Variants in MUC17 observed in about 807,000 individuals in gnomAD.
MUC17 encodes mucin-17.
Under a neutral mutation model 170.3 loss-of-function variants are expected in MUC17, and 190 were observed. The ratio of observed to expected loss-of-function variants is 1.12; its 90% confidence interval spans 0.99 to 1.26. MUC17 has a LOEUF of 1.26. MUC17 is among the 50% of genes most tolerant of loss of function. The pLI, the probability that MUC17 is intolerant of heterozygous loss-of-function variation, is 0.00. For missense variants in MUC17, 6,415 were observed against 5,530.0 expected, an observed-to-expected ratio of 1.16 and a Z score of -5.08; for synonymous variants, 2,325 against 2,002.5, an observed-to-expected ratio of 1.16 and a Z score of -4.30.
Position 101,040,081 on chromosome 7 carries a change from C to T in MUC17, c.8665C>T (p.Leu2889Phe). ...GGTGGCCAGTTCTGAGGCTAGCACC[C>T]TTTCAACAACTCCTGTTGATACCAG... is the stretch of plus-strand genomic sequence containing the variant. The part of the protein sequence containing the change: ...TPVASSEAST[L>F]STTPVDTSIP... Residue 2889 changes from leucine (L) to phenylalanine (F), a missense_variant, in exon 3 of 13, where the codon CTT becomes TTT. By Grantham distance (22) the Leu-to-Phe change is conservative (BLOSUM62 0). Transcript: ENST00000306151. The T allele has an allele frequency of 3.1e-6, 5 of 1,612,480 alleles. No individual in the cohort carries two copies. The highest frequency in any genetic ancestry group is 3.4e-6 in the Non-Finnish European group (4 of 1,179,362).
chr7:101,053,384 C>CA lies in MUC17; in HGVS notation c.13312dup (p.Ser4438LysfsTer14). 1 of 1,614,096 alleles carries CA rather than the reference C, an allele frequency of 6.2e-7. No individual in the cohort carries two copies. Among genetic ancestry groups the CA allele is most frequent in the East Asian group, 2.2e-5 (1 of 44,884 alleles). On this transcript the variant is annotated frameshift_variant, in exon 11 of 13. Coordinates refer to ENST00000306151, the MANE Select transcript of MUC17 (RefSeq NM_001040105.2). LOFTEE classifies it high-confidence loss of function. ...AGTTATACAAGTGGCAAGAAGAGGA[C>CA]AGTGGACCAGCTCCTGGGACCTTCC...
Position 101,039,568 on chromosome 7 carries a change from G to T in MUC17, c.8152G>T (p.Asp2718Tyr), listed in dbSNP as rs779476289. The change falls in exon 3 of 13, where the codon GAC (aspartate) becomes TAC (tyrosine). Residue 2718 changes from aspartate to tyrosine, a missense_variant. By Grantham distance (160) the Asp-to-Tyr change is radical (BLOSUM62 -3). Transcript: ENST00000306151. Reference sequence around the variant, plus strand: ...TAGCACCCTTTCAACAACTCCTGTTGACACCAGCACACCTGTCACCACTTC... The same window carrying T: ...TAGCACCCTTTCAACAACTCCTGTTTACACCAGCACACCTGTCACCACTTC... ...EASTLSTTPV[D>Y]TSTPVTTSAE... is the part of the protein sequence containing the mutation. 1 of 1,612,526 alleles carries T rather than the reference G, an allele frequency of 6.2e-7. No individual in the cohort carries two copies. Among genetic ancestry groups the T allele is most frequent in the East Asian group, 2.2e-5 (1 of 44,844 alleles).
chr7:101,047,963 A>T, intron 3 of MUC17, 21 bp from the exon 4 acceptor site: 1 of 1,553,562 alleles, frequency 6.4e-7, no homozygotes, highest in Non-Finnish European at 8.7e-7. Context: ...TGGAAAGAAA[A>T]CTTCTGTGAT....
At position 101,033,192 on chromosome 7, in the gene MUC17, A is replaced by G. The variant is rs1367224220; in HGVS notation, c.1776A>G (p.Thr592=). 6.2e-7 allele frequency: 1 copy of G among 1,614,020 alleles called. No homozygotes were observed. The highest frequency in any genetic ancestry group is 8.5e-7 in the Non-Finnish European group (1 of 1,179,990). The change falls in exon 3 of 13, where the codon ACA becomes ACG. Residue 592 remains threonine, a synonymous_variant. Transcript: ENST00000306151. ...VVSSEASTTS[T]TPADSNTFVT... is the part of the protein sequence containing the mutation. ...GTTCTGAGGCTAGCACCACTTCAAC[A>G]ACTCCTGCTGACTCCAACACTTTTG...
chr7:101,050,432 T>C (rs1489859410), intron 6 of MUC17, 52 bp from the exon 7 acceptor site: 55 of 1,579,794 alleles, frequency 3.5e-5, no homozygotes, highest in Non-Finnish European at 4.6e-5. Flanking sequence ...GTACAGATTC[T>C]AGAGGTAAGC....
At position 101,053,039 on chromosome 7, in the gene MUC17, C is replaced by T. The variant is rs1284926864; in HGVS notation, c.13157C>T (p.Thr4386Ile). ...AGTGGGGAGACCTGTAACCAGGGCA[C>T]CCAGAAGAGTCTGGTGTACGGCCTC... ...WYSGETCNQG[T>I]QKSLVYGLVG... The change falls in exon 10 of 13, where the codon ACC (threonine) becomes ATC (isoleucine). Residue 4386 changes from threonine to isoleucine, a missense_variant. By Grantham distance (89) the Thr-to-Ile change is moderately conservative. Coordinates refer to ENST00000306151, the MANE Select transcript of MUC17 (RefSeq NM_001040105.2). 5.6e-6 allele frequency: 9 copies of T among 1,614,136 alleles called. No homozygotes were observed. Among genetic ancestry groups the T allele is most frequent in the Non-Finnish European group, 6.8e-6 (8 of 1,180,032 alleles).
In MUC17 at chr7:101,051,905, T is replaced by C. The variant is rs1024000806; in HGVS notation, c.13046T>C (p.Val4349Ala). The change falls in exon 9 of 13, where the codon GTC becomes GCC. Residue 4349 changes from valine (V) to alanine (A), a missense_variant. Transcript: ENST00000306151. Reference sequence around the variant, plus strand: ...AGCCCCTGTGAGCCTGGCTTCAGTGTCTCCAAGAACTGTAACCTCGGCAAG... The same window carrying C: ...AGCCCCTGTGAGCCTGGCTTCAGTGCCTCCAAGAACTGTAACCTCGGCAAG... ...CISPCEPGFS[V>A]SKNCNLGKCQ... 1 of 1,614,072 alleles carries C rather than the reference T, an allele frequency of 6.2e-7. No individual in the cohort carries two copies. Among genetic ancestry groups the C allele is most frequent in the African/African-American group, 1.3e-5 (1 of 74,942 alleles).
Position 101,036,222 on chromosome 7 carries a change from T to C in MUC17, c.4806T>C (p.Thr1602=). The C allele has an allele frequency of 6.2e-7, 1 of 1,613,906 alleles. No homozygotes were observed. Among genetic ancestry groups the C allele is most frequent in the African/African-American group, 1.3e-5 (1 of 74,980 alleles). The change falls in exon 3 of 13, where the codon ACT becomes ACC. Residue 1602 remains threonine, a synonymous_variant. Coordinates refer to ENST00000306151, the MANE Select transcript of MUC17 (RefSeq NM_001040105.2). ...CAACAACCCCTATTGACTCCAAAAC[T>C]CAGGTGACCGCTTCTACTGAAGCCA... ...TLSTTPIDSK[T]QVTASTEASS...
intron 2 of MUC17, 86 bp from the exon 3 acceptor site, chr7:101,031,515 C>A: frequency 7.4e-7 from 1 of 1,358,872 alleles, no homozygotes; most frequent in Non-Finnish European, 9.8e-7. Flanking sequence ...AACACATTTT[C>A]AGTAAAAAGC....
Position 101,041,449 on chromosome 7 carries a change from A to G in MUC17, c.10033A>G (p.Met3345Val), listed in dbSNP as rs1562817447. The part of the protein sequence containing the change: ...YSEGSTPLTN[M>V]SFSTTPVVSS... Reference sequence around the variant, plus strand: ...TGAAGGAAGCACTCCACTAACAAATATGTCTTTCAGCACCACGCCAGTGGT... The same window carrying G: ...TGAAGGAAGCACTCCACTAACAAATGTGTCTTTCAGCACCACGCCAGTGGT... The change falls in exon 3 of 13, where the codon ATG (methionine) becomes GTG (valine). Residue 3345 changes from methionine to valine, a missense_variant. Physicochemically the swap from Met to Val is conservative, Grantham distance 21. Transcript: ENST00000306151. The G allele has an allele frequency of 3.1e-6, 5 of 1,613,450 alleles. No individual in the cohort carries two copies. The highest frequency in any genetic ancestry group is 2.2e-5 in the East Asian group (1 of 44,804).
intron 9 of MUC17, 52 bp downstream of exon 9, chr7:101,052,014 C>G: frequency 6.3e-7 from 1 of 1,575,054 alleles, no homozygotes; most frequent in South Asian, 1.2e-5. Context: ...TGGTCCTCCC[C>G]TCCCCTGCAG....
intron 1 of MUC17, among the ~76,000 whole-genome samples, chr7:101,020,727 A>G (rs1482482656): frequency 2.0e-5 from 3 of 152,040 alleles, no homozygotes; most frequent in Admixed American, 6.5e-5. Context: ...CCAGATTCTA[A>G]TCCTGCCATG....
Position 101,043,576 on chromosome 7 carries a change from C to T in MUC17, c.12160C>T (p.Pro4054Ser). The T allele has an allele frequency of 6.2e-7, 1 of 1,614,200 alleles. No individual in the cohort carries two copies. The highest frequency in any genetic ancestry group is 1.1e-5 in the South Asian group (1 of 91,084). ...GACCCCTTCATCAGAATCCAGCAGG[C>T]CGTCAACAATTACTTCTCACACCAT... ...PVTPSSESSR[P>S]STITSHTIPP... Residue 4054 changes from proline to serine, a missense_variant, in exon 3 of 13, where the codon CCG becomes TCG. By Grantham distance (74) the Pro-to-Ser change is moderately conservative (BLOSUM62 -1). Coordinates refer to ENST00000306151, the MANE Select transcript of MUC17 (RefSeq NM_001040105.2).
At chr7:101,057,932 C>T in intron 12 of MUC17, 71 bp from the exon 13 acceptor site, 2 of 1,326,580 alleles carry the variant, frequency 1.5e-6, no homozygotes, top group Non-Finnish European at 2.2e-6. Flanking sequence ...CTATCCCAAT[C>T]CTCCTTATGC....
chr7:101,053,213 T>C (rs1376087220), intron 10 of MUC17, 66 bp downstream of exon 10: 130 of 1,591,256 alleles, frequency 8.2e-5, no homozygotes, highest in Non-Finnish European at 1.0e-4. Context: ...CTGAACCCTC[T>C]GTCTCTAATC....
chr7:101,056,024 G>C (rs529250259), intron 11 of MUC17, among the ~76,000 whole-genome samples, 170 bp from the exon 12 acceptor site: 1 of 152,288 alleles, frequency 6.6e-6, no homozygotes, highest in South Asian at 2.1e-4. Context: ...CCTGTATTAG[G>C]GAGCTGCTGA....
At chr7:101,056,163 G>GTTTCCATGGTGC in intron 11 of MUC17, 31 bp from the exon 12 acceptor site, 1 of 1,613,164 alleles carries the variant, frequency 6.2e-7, no homozygotes, top group Non-Finnish European at 8.5e-7. Flanking sequence ...CTAACCTCCT[G>GTTTCCATGGTGC]TTTCCATGGT....
rs762217647 is a variant in MUC17 at position 101,039,491 on chromosome 7, C to G, written c.8075C>G (p.Thr2692Ser). 7.4e-6 allele frequency: 12 copies of G among 1,611,266 alleles called. No homozygotes were observed. The highest frequency in any genetic ancestry group is 1.7e-5 in the Admixed American group (1 of 59,478). ...MPTSTPGERSTPLTNILVSTT... is the reference protein window; with the variant it reads ...MPTSTPGERSSPLTNILVSTT... ...ACCTCAACTCCTGGTGAAAGAAGCA[C>G]TCCATTAACAAATATACTTGTCAGC... Residue 2692 changes from threonine to serine, a missense_variant, in exon 3 of 13, where the codon ACT (threonine) becomes AGT (serine). By Grantham distance (58) the Thr-to-Ser change is moderately conservative. Coordinates refer to ENST00000306151, the MANE Select transcript of MUC17 (RefSeq NM_001040105.2).
intron 1 of MUC17, among the ~76,000 whole-genome samples, chr7:101,024,476 G>A (rs1438838022): frequency 6.6e-6 from 1 of 151,960 alleles, no homozygotes; most frequent in Non-Finnish European, 1.5e-5. Context: ...GAGGAGAAGG[G>A]GGGTTGTGAC....
Sources: allele counts gnomAD v4.1 joint callset (sites outside exome capture counted in the v4.1 genomes callset), GRCh38; gene constraint gnomAD v4.1.1; transcripts MANE v1.5; gene names NCBI Gene and HGNC (gene_info 2026-07-23, HGNC 2026-07-21).